The following MDGA2 variants were observed in gnomAD, a reference collection of about 807,000 sequenced individuals.
The protein encoded by MDGA2 is MAM domain-containing glycosylphosphatidylinositol anchor protein 2.
A neutral mutation model predicts 117.8 loss-of-function variants in MDGA2; 40 were observed. The ratio of observed to expected loss-of-function variants is 0.34; its 90% CI spans 0.26 to 0.44. MDGA2 has a LOEUF of 0.44. MDGA2 is among the 20% of genes least tolerant of loss of function. MDGA2 has a pLI of 1.00. For missense variants in MDGA2, 1,123 were observed against 1,250.6 expected (o/e 0.90, Z 1.54); for synonymous variants, 452 against 439.0 (o/e 1.03, Z -0.37).
At chr14:47,198,466 G>T (rs868001188) in intron 3 of MDGA2, among the ~76,000 whole-genome samples, 2 of 152,142 alleles carry the variant, frequency 1.3e-5, no homozygotes, top group African/African-American at 4.8e-5. Flanking sequence ...CAGCTACTCG[G>T]GAGGCTGAGG....
chr14:47,442,040 T>C (rs554725873), intron 1 of MDGA2, among the ~76,000 whole-genome samples: 2 of 152,066 alleles, frequency 1.3e-5, no homozygotes, highest in African/African-American at 4.8e-5. Flanking sequence ...GAAGAAAAGA[T>C]AAACAGGCTT....
intron 1 of MDGA2, among the ~76,000 whole-genome samples, chr14:47,635,585 T>C (rs753989857): frequency 3.9e-5 from 6 of 152,186 alleles, no homozygotes; most frequent in African/African-American, 4.8e-5. Flanking sequence ...ATATTAAATG[T>C]ACTTTGATGC....
chr14:47,503,417 C>T (rs1375580090), intron 1 of MDGA2, among the ~76,000 whole-genome samples: 3 of 147,114 alleles, frequency 2.0e-5, no homozygotes, highest in South Asian at 4.2e-4. Flanking sequence ...TTATCCTCTA[C>T]TACCTTTTTT....
At chr14:47,426,765 C>A (rs965457258) in intron 1 of MDGA2, among the ~76,000 whole-genome samples, 17 of 146,950 alleles carry the variant, frequency 1.2e-4, no homozygotes, top group Non-Finnish European at 4.5e-5. Flanking sequence ...ATAGAGGATT[C>A]ACTGAATTGT....
chr14:47,337,580 A>T (rs991841254), intron 1 of MDGA2, among the ~76,000 whole-genome samples: 2 of 152,092 alleles, frequency 1.3e-5, no homozygotes, highest in African/African-American at 4.8e-5. Flanking sequence ...TATAAATACT[A>T]CTAGAGACTG....
chr14:46,955,952 C>T (rs1573005), intron 9 of MDGA2, among the ~76,000 whole-genome samples: 17,914 of 152,036 alleles, frequency 0.12, 2,005 homozygotes, highest in African/African-American at 0.27. Context: ...AGTTTCGAGT[C>T]ATGAGAAATT....
intron 2 of MDGA2, among the ~76,000 whole-genome samples, chr14:47,260,638 T>C (rs1368681650): frequency 6.6e-6 from 1 of 151,940 alleles, no homozygotes; most frequent in Non-Finnish European, 1.5e-5. Context: ...AGTGAAAAAA[T>C]ACAATTTTTG....
chr14:47,177,516 T>C (rs1884518724), intron 3 of MDGA2, among the ~76,000 whole-genome samples: 2 of 151,988 alleles, frequency 1.3e-5, no homozygotes, highest in Non-Finnish European at 2.9e-5. Context: ...ATGGATGAAA[T>C]TGGAAATCAT....
At chr14:47,314,052 G>A (rs1438378349) in intron 1 of MDGA2, among the ~76,000 whole-genome samples, 2 of 152,138 alleles carry the variant, frequency 1.3e-5, no homozygotes, top group Non-Finnish European at 2.9e-5. Context: ...TAAAAACACA[G>A]TTTGAGAAGA....
chr14:47,076,560 ATG>A (rs145260703), intron 6 of MDGA2, among the ~76,000 whole-genome samples: 6,008 of 147,054 alleles, frequency 0.041, 131 homozygotes, highest in African/African-American at 0.059. Flanking sequence ...AGTGTGTGTT[ATG>A]TGTGTGTGTG....
At position 46,845,961 on chromosome 14, in the gene MDGA2, G is replaced by T. The variant is rs1236228751; in HGVS notation, c.2884-90C>A. On this transcript the variant is annotated intron_variant, in intron 15 of 16. Coordinates refer to ENST00000399232, the MANE Select transcript of MDGA2 (RefSeq NM_001113498.3). ...AAATCAAGGTGACAAAAATAAACTT[G>T]TCAGTAATCCTGGCATCTTTTATAT... 8.9e-6 allele frequency: 8 copies of T among 899,562 alleles called. No homozygotes were observed. The East Asian group carries it at 1.8e-4, about 20-fold the overall frequency. 55.7% of individuals were successfully genotyped at this position (899,562 alleles called of 1,614,324 possible).
chr14:47,661,073 T>C (rs1252798682), intron 1 of MDGA2, among the ~76,000 whole-genome samples: 2 of 152,196 alleles, frequency 1.3e-5, no homozygotes, highest in East Asian at 3.8e-4. Context: ...GCATTTCAAG[T>C]ATATACTGTT....
intron 1 of MDGA2, among the ~76,000 whole-genome samples, chr14:47,452,981 AAT>A (rs1893272551): frequency 6.6e-6 from 1 of 152,218 alleles, no homozygotes; most frequent in South Asian, 2.1e-4. Context: ...ATTGCTGGGA[AAT>A]ATATAGTTTT....
At chr14:47,410,615 T>C (rs1892352300) in intron 1 of MDGA2, among the ~76,000 whole-genome samples, 2 of 152,058 alleles carry the variant, frequency 1.3e-5, no homozygotes, top group South Asian at 2.1e-4. Context: ...ATGAATCAAA[T>C]GCATGGCTGA....
At position 47,513,792 on chromosome 14, in the gene MDGA2, G is replaced by A. The variant is rs181066123; in HGVS notation, c.280+160725C>T. Reference sequence around the variant, plus strand: ...TTAATTGACCTCTGTTTCTAATGCTGTAAAAATTAATATTAAATGGTTTCT... The same window carrying A: ...TTAATTGACCTCTGTTTCTAATGCTATAAAAATTAATATTAAATGGTTTCT... On this transcript the variant is annotated intron_variant, in intron 1 of 16. Transcript: ENST00000399232. 1.9e-3 allele frequency among the ~76,000 whole-genome samples: 290 copies of A among 152,160 alleles called. 3 individuals carry two copies. The highest frequency in any genetic ancestry group is 6.5e-3 in the African/African-American group (272 of 41,530).
chr14:47,277,365 C>T lies in MDGA2; in HGVS notation c.420+24046G>A, dbSNP rs559090342. ...ACATCCTTCTATTTTTCAAGGGAGG[C>T]AGGCTTAAATAATTAATTGCACATT... On this transcript the variant is annotated intron_variant, in intron 2 of 16. Transcript: ENST00000399232. Among the ~76,000 whole-genome samples the T allele has an allele frequency of 1.1e-4, 17 of 152,278 alleles. No individual in the cohort carries two copies. In the East Asian group the frequency reaches 3.3e-3, roughly 29 times the overall value.
chr14:47,563,415 G>GCTC (rs1895851843), intron 1 of MDGA2, among the ~76,000 whole-genome samples: 1 of 151,976 alleles, frequency 6.6e-6, no homozygotes, highest in African/African-American at 2.4e-5. Flanking sequence ...GAATCTGGGT[G>GCTC]CTCCTGTGTT....
intron 1 of MDGA2, among the ~76,000 whole-genome samples, chr14:47,606,058 T>C (rs1029739719): frequency 2.6e-5 from 4 of 152,182 alleles, no homozygotes; most frequent in African/African-American, 9.7e-5. Context: ...TGATACACTA[T>C]TTTACATAAC....
intron 8 of MDGA2, among the ~76,000 whole-genome samples, chr14:46,999,526 CCT>C (rs1037827315): frequency 7.9e-5 from 12 of 151,836 alleles, no homozygotes; most frequent in African/African-American, 2.4e-4. Context: ...AAAATTTTCC[CCT>C]GATATTCCTC....
Sources: gnomAD v4.1 joint callset for allele counts (sites outside exome capture counted in the v4.1 genomes callset) on GRCh38, gnomAD v4.1.1 for gene constraint, MANE v1.5 for transcripts, NCBI Gene and HGNC (gene_info 2026-07-23, HGNC 2026-07-21) for gene names.